ZNF619: variants seen among roughly 807,000 people sequenced by gnomAD.
ZNF619 encodes the protein zinc finger protein 619.
In ZNF619, 9 loss-of-function variants were observed where a neutral mutation model predicts 14.2. The observed-to-expected ratio is 0.64, with a 90% CI of 0.38 to 1.11. The LOEUF is 1.11. ZNF619 is among the 50% of genes least tolerant of loss of function. The pLI, the probability that ZNF619 is intolerant of heterozygous loss-of-function variation, is 0.01. For missense variants in ZNF619, 659 were observed against 680.1 expected, an observed-to-expected ratio of 0.97 and a Z score of 0.34; for synonymous variants, 246 against 252.8, an observed-to-expected ratio of 0.97 and a Z score of 0.26.
chr3:40,484,384 A>C (rs566863279), intron 4 of ZNF619, among the ~76,000 whole-genome samples: 7 of 152,352 alleles, frequency 4.6e-5, no homozygotes, highest in Admixed American at 4.6e-4. Flanking sequence ...TTTGAAAGAT[A>C]CTGAATTGAG....
intron 3 of ZNF619, chr3:40,482,332 T>G (rs1448421858): frequency 1.3e-6 from 2 of 1,553,884 alleles, no homozygotes; most frequent in Non-Finnish European, 1.7e-6. Context: ...GAGCTGATCT[T>G]GGCCCTATTG....
intron 3 of ZNF619, chr3:40,482,354 G>A (rs1697431770): frequency 6.4e-7 from 1 of 1,558,246 alleles, no homozygotes; most frequent in Non-Finnish European, 8.7e-7. Context: ...CTATGTGTGA[G>A]TCCCCTAGGG....
At chr3:40,485,667 G>A (rs540790155) in intron 4 of ZNF619, among the ~76,000 whole-genome samples, 18 of 152,156 alleles carry the variant, frequency 1.2e-4, no homozygotes, top group African/African-American at 4.1e-4. Flanking sequence ...GTGTGTGTGT[G>A]TGTGTGCACA....
intron 2 of ZNF619, among the ~76,000 whole-genome samples, chr3:40,480,169 A>G (rs1697337901): frequency 6.6e-6 from 1 of 152,212 alleles, no homozygotes; most frequent in Non-Finnish European, 1.5e-5. Flanking sequence ...ATTCCCAGCT[A>G]GTTGTTGACT....
rs1697769975 is a variant in ZNF619, at chr3:40,490,370, G to A, written c.*2129G>A. ...GCTTTGGAACTGAGTAATGGGTAGA[G>A]GCTTGAAAAATCTGGAAGATCAGGT... On this transcript the variant is annotated 3_prime_UTR_variant, in exon 5 of 5. Transcript: ENST00000432264. 1 of 152,220 alleles carries A rather than the reference G, an allele frequency of 6.6e-6. No homozygotes were observed. The highest frequency in any genetic ancestry group is 1.5e-5 in the Non-Finnish European group (1 of 68,064). 9.4% of individuals were successfully genotyped at this position (152,220 alleles called of 1,614,324 possible). A position where few individuals can be genotyped will look rare whatever the true frequency, so the allele number is the denominator to read the frequency against.
At chr3:40,485,239 A>G (rs1480376610) in intron 4 of ZNF619, among the ~76,000 whole-genome samples, 1 of 152,166 alleles carries the variant, frequency 6.6e-6, no homozygotes, top group Non-Finnish European at 1.5e-5. Flanking sequence ...TTTAAAAATT[A>G]GACTACATTG....
intron 4 of ZNF619, 25 bp from the exon 5 acceptor site, chr3:40,486,781 T>C: frequency 3.2e-6 from 5 of 1,539,632 alleles, no homozygotes; most frequent in Non-Finnish European, 4.4e-6. Flanking sequence ...TAAGGGACTT[T>C]TATGTTTTCT....
chr3:40,482,308 C>T (rs1344632506), intron 3 of ZNF619: 2 of 1,552,502 alleles, frequency 1.3e-6, no homozygotes, highest in Admixed American at 3.9e-5. Flanking sequence ...TTCCTTCCAT[C>T]TTCCAGTTCC....
In ZNF619 at chr3:40,488,461, G is replaced by T. The variant is rs1697713763; in HGVS notation, c.*220G>T. 3.7e-6 allele frequency: 2 copies of T among 535,622 alleles called. No homozygotes were observed. The highest frequency in any genetic ancestry group is 5.6e-5 in the South Asian group (2 of 35,620). The allele number at this position is 535,622 out of a possible 1,614,324, so 33.2% of individuals were successfully genotyped here. A position where few individuals can be genotyped will look rare whatever the true frequency, so the allele number is the denominator to read the frequency against. On this transcript the variant is annotated 3_prime_UTR_variant, in exon 5 of 5. Coordinates refer to ENST00000432264, the MANE Select transcript of ZNF619 (RefSeq NM_001145093.4). ...TATTCTTTATCGTGTCCACATTTGG[G>T]CTGTATTATCAGTCTGCATCTCTCT...
At position 40,487,002 on chromosome 3, in the gene ZNF619, A is replaced by G. The variant is rs1019699720; in HGVS notation, c.492A>G (p.Thr164=). 3.1e-6 allele frequency: 5 copies of G among 1,614,190 alleles called. No homozygotes were observed. The highest frequency in any genetic ancestry group is 4.2e-6 in the Non-Finnish European group (5 of 1,180,018). The change falls in exon 5 of 5, where the codon ACA becomes ACG. Residue 164 remains threonine, a synonymous_variant. Transcript: ENST00000432264. ...KTKIGDCTDL[T]VQDHESSTTE... is the part of the protein sequence containing the mutation. ...AGATAGGGGATTGCACAGATTTGAC[A>G]GTCCAGGATCATGAATCTTCCACCA...
At chr3:40,478,586 A>G (rs1364319876) in intron 2 of ZNF619, among the ~76,000 whole-genome samples, 1 of 152,142 alleles carries the variant, frequency 6.6e-6, no homozygotes, top group Non-Finnish European at 1.5e-5. Flanking sequence ...CAGTGCCTTT[A>G]GCTCAATGCG....
chr3:40,488,024 C>T lies in ZNF619; in HGVS notation c.1514C>T (p.Pro505Leu). ...CCCTGCGCCATCCTCTCTCCTCTGC[C>T]TCCCCAACATACCTGCTCTGCCCTA... The part of the protein sequence containing the change: ...YCPCAILSPL[P>L]PQHTCSALAP... Residue 505 changes from proline to leucine, a missense_variant, in exon 5 of 5, where the codon CCT becomes CTT. Coordinates refer to ENST00000432264, the MANE Select transcript of ZNF619 (RefSeq NM_001145093.4). 6.2e-7 allele frequency: 1 copy of T among 1,614,190 alleles called. No individual in the cohort carries two copies. Among genetic ancestry groups the T allele is most frequent in the Non-Finnish European group, 8.5e-7 (1 of 1,180,024 alleles).
intron 2 of ZNF619, among the ~76,000 whole-genome samples, chr3:40,478,691 G>T (rs534191410): frequency 3.9e-4 from 60 of 151,986 alleles, no homozygotes; most frequent in Non-Finnish European, 7.6e-4. Flanking sequence ...TTTTCTTGGT[G>T]GTAGATGATG....
Position 40,487,220 on chromosome 3 carries a change from G to A in ZNF619, c.710G>A (p.Cys237Tyr). The A allele has an allele frequency of 6.2e-7, 1 of 1,614,222 alleles. No homozygotes were observed. The highest frequency in any genetic ancestry group is 1.3e-5 in the African/African-American group (1 of 75,064). The change falls in exon 5 of 5, where the codon TGT becomes TAT. Residue 237 changes from cysteine (C) to tyrosine (Y), a missense_variant. Transcript: ENST00000432264. Reference protein sequence around the residue: ...TNEKPYTCKECGKTFRYNSKL... With the variant: ...TNEKPYTCKEYGKTFRYNSKL... ...GAGAAGCCCTACACATGCAAAGAAT[G>A]TGGGAAAACCTTCAGATATAACTCA...
At position 40,482,608 on chromosome 3, in the gene ZNF619, C is replaced by T. The variant is rs994032257; in HGVS notation, c.199C>T (p.Pro67Ser). ...TGTAGCAGCATTTCCATTCCCCAAA[C>T]CAGATCTGATATTCCAGCTGGAGCA... ...TSLSAFPFPK[P>S]DLIFQLEQGE... Residue 67 changes from proline to serine, a missense_variant, in exon 4 of 5, where the codon CCA becomes TCA. Transcript: ENST00000432264. The T allele has an allele frequency of 1.2e-6, 2 of 1,614,018 alleles. No individual in the cohort carries two copies. The highest frequency in any genetic ancestry group is 2.7e-5 in the African/African-American group (2 of 74,910).
rs144439722 is a variant in ZNF619 at position 40,487,271 on chromosome 3, A to C, written c.761A>C (p.His254Pro). 6.2e-7 allele frequency: 1 copy of C among 1,614,194 alleles called. No individual in the cohort carries two copies. Among genetic ancestry groups the C allele is most frequent in the South Asian group, 1.1e-5 (1 of 91,088 alleles). Residue 254 changes from histidine to proline, a missense_variant, in exon 5 of 5, where the codon CAC becomes CCC. Physicochemically the swap from His to Pro is moderately conservative, Grantham distance 77. Transcript: ENST00000432264. ...AAACTGTCACGGCATCAGAAAATCC[A>C]CACTGGAGAGAAACCATACTCATGT... Reference protein sequence around the residue: ...NSKLSRHQKIHTGEKPYSCEE... With the variant: ...NSKLSRHQKIPTGEKPYSCEE...
At chr3:40,483,443 A>C (rs1190555029) in intron 4 of ZNF619, among the ~76,000 whole-genome samples, 1 of 151,710 alleles carries the variant, frequency 6.6e-6, no homozygotes, top group Admixed American at 6.6e-5. Context: ...TGCGCGTGCC[A>C]CCATGACTGG....
In ZNF619 at chr3:40,487,941, G is replaced by A. The variant is rs781606799; in HGVS notation, c.1431G>A (p.Trp477Ter). The A allele has an allele frequency of 6.2e-7, 1 of 1,614,148 alleles. No individual in the cohort carries two copies. The highest frequency in any genetic ancestry group is 1.1e-5 in the South Asian group (1 of 91,078). ...WNASFIQHQK[W>*]HTRKKLINGT... ...CAAGTTTCATCCAGCATCAGAAGTG[G>A]CATACTAGGAAGAAACTCATCAATG... is the stretch of plus-strand genomic sequence containing the variant. The change falls in exon 5 of 5, where the codon TGG becomes TGA. Residue 477 changes from tryptophan (W) to a stop codon, truncating the protein, a stop_gained. Transcript: ENST00000432264. LOFTEE classifies it low-confidence loss of function (END_TRUNC).
intron 3 of ZNF619, 102 bp downstream of exon 3, chr3:40,482,118 C>T: frequency 6.5e-7 from 1 of 1,545,208 alleles, no homozygotes; most frequent in Non-Finnish European, 8.7e-7. Context: ...AGAATTGATG[C>T]CCTATGGGCT....
Sources: gnomAD v4.1 joint callset for allele counts (sites outside exome capture counted in the v4.1 genomes callset) on GRCh38, gnomAD v4.1.1 for gene constraint, MANE v1.5 for transcripts, NCBI Gene and HGNC (gene_info 2026-07-23, HGNC 2026-07-21) for gene names.